ANXA8: variants seen among roughly 807,000 people sequenced by gnomAD.
The protein encoded by ANXA8 is VAC-beta.
ANXA8 carries 9 observed loss-of-function variants against 26.8 expected under a neutral mutation model. The observed-to-expected ratio is 0.34, with a 90% CI of 0.20 to 0.59. The LOEUF (loss-of-function observed/expected upper bound fraction) is 0.59, where lower values mean the gene tolerates loss of function less well. Among genes scored for constraint, ANXA8 ranks in the 20% least tolerant of loss-of-function variants. The probability of loss-of-function intolerance (pLI) is 0.84; values close to 1 mark genes in which losing one functional copy is unlikely to be tolerated. For missense variants in ANXA8, 83 were observed against 238.5 expected (o/e 0.35, Z 4.29); for synonymous variants, 39 against 94.8 (o/e 0.41, Z 3.42).
the ANXA8 span, among the ~76,000 whole-genome samples, chr10:47,718,454 CAG>C: frequency 8.5e-6 from 1 of 118,076 alleles, no homozygotes; most frequent in Admixed American, 8.9e-5. Context: ...GCCTGGACGA[CAG>C]AGTGAGACTG....
At chr10:47,671,941 T>C in the ANXA8 span, among the ~76,000 whole-genome samples, 1 of 151,964 alleles carries the variant, frequency 6.6e-6, no homozygotes, top group African/African-American at 2.4e-5. Flanking sequence ...GTTTGTGCAT[T>C]AGGCCTCTTG....
the ANXA8 span, among the ~76,000 whole-genome samples, chr10:47,735,014 T>G: frequency 8.0e-6 from 1 of 125,084 alleles, no homozygotes; most frequent in African/African-American, 3.5e-5. Flanking sequence ...AGTGAGACTC[T>G]GTTTAAAAAA....
At chr10:47,483,284 C>T (rs1169364091) in intron 1 of ANXA8, among the ~76,000 whole-genome samples, 1 of 140,696 alleles carries the variant, frequency 7.1e-6, no homozygotes, top group Non-Finnish European at 1.5e-5. Flanking sequence ...ATTGATGGGT[C>T]CCCAACAGCA....
the ANXA8 span, among the ~76,000 whole-genome samples, chr10:47,583,647 A>G: frequency 1.5e-5 from 2 of 137,616 alleles, no homozygotes; most frequent in African/African-American, 6.0e-5. Flanking sequence ...TCAACTAAGT[A>G]CCCTATTTAA....
chr10:47,605,654 CAAAG>C, the ANXA8 span, among the ~76,000 whole-genome samples: 1 of 147,334 alleles, frequency 6.8e-6, no homozygotes, highest in African/African-American at 2.6e-5. Context: ...AAAAATATAT[CAAAG>C]AGAAAGAAGG....
chr10:47,676,246 G>A, the ANXA8 span, among the ~76,000 whole-genome samples: 5 of 151,784 alleles, frequency 3.3e-5, no homozygotes, highest in Admixed American at 2.0e-4. Flanking sequence ...AGAAGAGAAC[G>A]TGGCAGAAGA....
chr10:47,548,735 C>T, the ANXA8 span, among the ~76,000 whole-genome samples: 3 of 151,472 alleles, frequency 2.0e-5, no homozygotes, highest in Non-Finnish European at 1.5e-5. Flanking sequence ...TAAACTCTGA[C>T]CACTTCTTCA....
the ANXA8 span, among the ~76,000 whole-genome samples, chr10:47,975,909 T>C: frequency 6.9e-6 from 1 of 144,996 alleles, no homozygotes; most frequent in East Asian, 2.0e-4. Context: ...ACCTGAACTA[T>C]GGAATAGAAA....
the ANXA8 span, among the ~76,000 whole-genome samples, chr10:47,724,166 C>T: frequency 5.3e-3 from 703 of 133,422 alleles, 32 homozygotes; most frequent in African/African-American, 0.018. Context: ...CCCTGTTTAC[C>T]TTCCCCTAGC....
the ANXA8 span, chr10:47,502,604 A>C: frequency 1.7e-4 from 266 of 1,528,214 alleles, 18 homozygotes; most frequent in South Asian, 2.6e-3. Flanking sequence ...CGGGTGCCAA[A>C]ACTGCGGTGG....
At chr10:47,982,318 C>A in the ANXA8 span, among the ~76,000 whole-genome samples, 3 of 151,086 alleles carry the variant, frequency 2.0e-5, no homozygotes, top group East Asian at 1.9e-4. Flanking sequence ...AACAACCCCC[C>A]CAAACCCCAA....
chr10:47,563,871 AT>A, the ANXA8 span, among the ~76,000 whole-genome samples: 9 of 151,524 alleles, frequency 5.9e-5, no homozygotes, highest in African/African-American at 9.7e-5. Context: ...TACGGGAGGG[AT>A]TTTTTTACGG....
At chr10:47,595,064 A>T in the ANXA8 span, among the ~76,000 whole-genome samples, 16 of 148,988 alleles carry the variant, frequency 1.1e-4, 1 homozygote, top group African/African-American at 3.6e-4. Flanking sequence ...CTAACAGTGG[A>T]CTTCTCAGAA....
the ANXA8 span, among the ~76,000 whole-genome samples, chr10:47,513,354 G>T: frequency 7.0e-6 from 1 of 142,100 alleles, no homozygotes; most frequent in Non-Finnish European, 1.5e-5. Context: ...TTGATATGCC[G>T]TTGGGAACTA....
the ANXA8 span, among the ~76,000 whole-genome samples, chr10:47,676,307 A>C: frequency 6.6e-6 from 1 of 151,924 alleles, no homozygotes; most frequent in Admixed American, 6.6e-5. Context: ...TGAGGTCATC[A>C]ATTCACAAAT....
the ANXA8 span, among the ~76,000 whole-genome samples, chr10:47,706,038 G>A: frequency 1.4e-4 from 22 of 152,106 alleles, no homozygotes; most frequent in South Asian, 4.4e-3. Context: ...GGTCGGTTCC[G>A]GGCGGTTGGG....
At chr10:47,681,946 T>C in the ANXA8 span, among the ~76,000 whole-genome samples, 1 of 133,548 alleles carries the variant, frequency 7.5e-6, no homozygotes, top group Non-Finnish European at 1.6e-5. Flanking sequence ...ATTGGACAAA[T>C]GACATCTGGG....
At chr10:47,580,757 A>C in the ANXA8 span, among the ~76,000 whole-genome samples, 2 of 140,472 alleles carry the variant, frequency 1.4e-5, no homozygotes, top group African/African-American at 5.6e-5. Context: ...ACAAAACAAA[A>C]AAAAAAAACA....
chr10:47,772,205 G>A, the ANXA8 span, among the ~76,000 whole-genome samples: 1 of 151,794 alleles, frequency 6.6e-6, no homozygotes, highest in African/African-American at 2.4e-5. Context: ...TTTGTGGTTG[G>A]GTAGCCTCAG....
Sources: allele counts gnomAD v4.1 joint callset (sites outside exome capture counted in the v4.1 genomes callset), GRCh38; gene constraint gnomAD v4.1.1; transcripts MANE v1.5; gene names NCBI Gene and HGNC (gene_info 2026-07-23, HGNC 2026-07-21).